ZSWIM6: variants seen among roughly 807,000 people sequenced by gnomAD.
ZSWIM6 encodes zinc finger SWIM domain-containing protein 6.
A neutral mutation model predicts 113.2 loss-of-function variants in ZSWIM6; 9 were observed. The observed-to-expected ratio is 0.08, with a 90% CI of 0.05 to 0.14. The LOEUF (loss-of-function observed/expected upper bound fraction) is 0.14. Ranked by LOEUF, ZSWIM6 falls within the 10% of genes least tolerant of loss-of-function variation. The probability of loss-of-function intolerance (pLI) is 1.00; values close to 1 mark genes in which losing one functional copy is unlikely to be tolerated. For synonymous variants in ZSWIM6, 611 were observed against 606.5 expected (o/e 1.01, Z -0.11); for missense variants, 1,162 against 1,552.2 (o/e 0.75, Z 4.22).
chr5:61,332,774 TCGG>T lies in ZSWIM6; in HGVS notation c.504_506del (p.Ala184del), dbSNP rs1744289035. On this transcript the variant is annotated inframe_deletion, in exon 1 of 14. Coordinates refer to ENST00000252744, the MANE Select transcript of ZSWIM6 (RefSeq NM_020928.2). ...GGCCGCAACCTCGGCGGCCGCAACC[TCGG>T]CCGCCGCCGCCGCTGCCGCCGCCGC... 8.0e-6 allele frequency: 2 copies of T among 250,304 alleles called. No homozygotes were observed. Among genetic ancestry groups the T allele is most frequent in the Non-Finnish European group, 1.0e-5 (2 of 200,508 alleles). The allele number at this position is 250,304 out of a possible 1,614,324, so 15.5% of individuals were successfully genotyped here. A position where few individuals can be genotyped will look rare whatever the true frequency, so the allele number is the denominator to read the frequency against.
chr5:61,503,059 G>A (rs1445981), intron 4 of ZSWIM6, among the ~76,000 whole-genome samples: 57,203 of 152,064 alleles, frequency 0.38, 10,912 homozygotes, highest in South Asian at 0.43. Context: ...CAAGATGGCA[G>A]ATGATTTGCA....
intron 2 of ZSWIM6, among the ~76,000 whole-genome samples, chr5:61,478,437 A>T (rs924767333): frequency 6.6e-6 from 1 of 152,208 alleles, no homozygotes; most frequent in Admixed American, 6.5e-5. Context: ...TCACGAACAC[A>T]CATGTGCAGA....
rs1745348138 is a variant in ZSWIM6, at chr5:61,375,252, A to C, written c.676+42304A>C. ...CTACCTGGGAAGAAGTAAAAGAGCA[A>C]CTAGAAAAGGAAAAGAAAGGCTCCA... On this transcript the variant is annotated intron_variant, in intron 1 of 13. Coordinates refer to ENST00000252744, the MANE Select transcript of ZSWIM6 (RefSeq NM_020928.2). 6.5e-5 allele frequency: 105 copies of C among 1,612,826 alleles called. 4 individuals carry two copies. The South Asian group carries it at 1.2e-3, about 18-fold the overall frequency.
chr5:61,374,883 C>T (rs1390656492), intron 1 of ZSWIM6, among the ~76,000 whole-genome samples: 1 of 152,004 alleles, frequency 6.6e-6, no homozygotes, highest in Non-Finnish European at 1.5e-5. Context: ...AAATAAGCTC[C>T]CTAAATTTGT....
chr5:61,371,763 C>G (rs1000433821), intron 1 of ZSWIM6, among the ~76,000 whole-genome samples: 1 of 152,196 alleles, frequency 6.6e-6, no homozygotes, highest in East Asian at 1.9e-4. Context: ...AATAACTAAG[C>G]TATTCATGTA....
At chr5:61,372,022 T>TG (rs542375518) in intron 1 of ZSWIM6, among the ~76,000 whole-genome samples, 2,676 of 152,168 alleles carry the variant, frequency 0.018, 31 homozygotes, top group South Asian at 0.035. Context: ...ATTTTTTTTT[T>TG]TTGTTGATTT....
At chr5:61,389,122 G>A (rs1043197313) in intron 1 of ZSWIM6, among the ~76,000 whole-genome samples, 1 of 152,080 alleles carries the variant, frequency 6.6e-6, no homozygotes. Flanking sequence ...TCACCTTTGA[G>A]GGCACTCTGT....
At chr5:61,405,677 G>T (rs908709541) in intron 1 of ZSWIM6, among the ~76,000 whole-genome samples, 9 of 152,234 alleles carry the variant, frequency 5.9e-5, no homozygotes, top group African/African-American at 2.2e-4. Flanking sequence ...AGGCCAAAGT[G>T]TAGGCTCTGT....
intron 12 of ZSWIM6, among the ~76,000 whole-genome samples, chr5:61,540,882 C>T (rs891811649): frequency 9.4e-5 from 14 of 148,508 alleles, no homozygotes; most frequent in African/African-American, 3.5e-4. Flanking sequence ...CCCACAGGGC[C>T]TCTGGGGATA....
At position 61,526,306 on chromosome 5, in the gene ZSWIM6, A is replaced by G; in HGVS notation, c.1747A>G (p.Arg583Gly). 6.4e-7 allele frequency: 1 copy of G among 1,552,036 alleles called. No individual in the cohort carries two copies. Among genetic ancestry groups the G allele is most frequent in the Non-Finnish European group, 8.7e-7 (1 of 1,147,020 alleles). Residue 583 changes from arginine (R) to glycine (G), a missense_variant, in exon 7 of 14, where the codon AGA becomes GGA. Physicochemically the swap from Arg to Gly is moderately radical, Grantham distance 125 (BLOSUM62 -2). Transcript: ENST00000252744. ...CGCATTACGTTCTCATGGGTACCCCAGAGAAGCACTGAGACTAGCAATAGC... is the reference window on the plus strand; with the variant it reads ...CGCATTACGTTCTCATGGGTACCCCGGAGAAGCACTGAGACTAGCAATAGC... ...VDALRSHGYP[R>G]EALRLAIAIV...
chr5:61,524,417 AGTT>A (rs1401577224), intron 5 of ZSWIM6, among the ~76,000 whole-genome samples: 2 of 152,170 alleles, frequency 1.3e-5, no homozygotes, highest in African/African-American at 4.8e-5. Context: ...CAGATAGCTA[AGTT>A]GACCTGAGAC....
At chr5:61,383,568 C>T (rs1194817502) in intron 1 of ZSWIM6, among the ~76,000 whole-genome samples, 1 of 151,840 alleles carries the variant, frequency 6.6e-6, no homozygotes, top group African/African-American at 2.4e-5. Context: ...CGGAATCTCG[C>T]TCTGTTGCCC....
intron 1 of ZSWIM6, among the ~76,000 whole-genome samples, chr5:61,468,371 G>T (rs1747485023): frequency 6.6e-6 from 1 of 152,170 alleles, no homozygotes; most frequent in South Asian, 2.1e-4. Flanking sequence ...AGCTCTTGTG[G>T]AATTAACTGT....
intron 1 of ZSWIM6, chr5:61,390,669 T>G (rs1371413162): frequency 3.6e-6 from 3 of 834,822 alleles, no homozygotes; most frequent in Non-Finnish European, 6.2e-6. Context: ...TTCCTGGCAT[T>G]AAGCTCCTTC....
intron 4 of ZSWIM6, among the ~76,000 whole-genome samples, chr5:61,502,070 A>G (rs1232815675): frequency 1.3e-5 from 2 of 152,134 alleles, no homozygotes; most frequent in Non-Finnish European, 2.9e-5. Flanking sequence ...AAATGAAGCA[A>G]GACAAGCTGG....
intron 1 of ZSWIM6, among the ~76,000 whole-genome samples, chr5:61,407,629 A>G (rs752250889): frequency 6.6e-6 from 1 of 152,224 alleles, no homozygotes. Flanking sequence ...ATAAGCTCCT[A>G]CAAAGCAGTA....
chr5:61,514,672 A>G (rs1182641339), intron 4 of ZSWIM6, among the ~76,000 whole-genome samples: 1 of 152,120 alleles, frequency 6.6e-6, no homozygotes, highest in African/African-American at 2.4e-5. Context: ...GGTGAATTAT[A>G]CTAATTTATT....
At chr5:61,442,069 G>A (rs769397670) in intron 1 of ZSWIM6, among the ~76,000 whole-genome samples, 4 of 152,266 alleles carry the variant, frequency 2.6e-5, no homozygotes, top group Middle Eastern at 6.8e-3. Flanking sequence ...AGGAAGAGGA[G>A]TTGGTCAACA....
chr5:61,460,028 C>T (rs1376483801), intron 1 of ZSWIM6, among the ~76,000 whole-genome samples: 1 of 152,168 alleles, frequency 6.6e-6, no homozygotes, highest in East Asian at 1.9e-4. Context: ...CAAATAACAA[C>T]AGCATTGGTG....
Sources: allele counts gnomAD v4.1 joint callset (sites outside exome capture counted in the v4.1 genomes callset), GRCh38; gene constraint gnomAD v4.1.1; transcripts MANE v1.5; gene names NCBI Gene and HGNC (gene_info 2026-07-23, HGNC 2026-07-21).